The following METTL3 variants were observed in gnomAD, a reference collection of about 807,000 sequenced individuals.
METTL3 encodes N(6)-adenosine-methyltransferase catalytic subunit METTL3.
In METTL3, 42 loss-of-function variants were observed where a neutral mutation model predicts 64.3. The observed-to-expected ratio is 0.65, with a 90% CI of 0.51 to 0.84. The LOEUF (loss-of-function observed/expected upper bound fraction) is 0.84, where lower values mean the gene tolerates loss of function less well. Among genes scored for constraint, METTL3 ranks in the 40% least tolerant of loss-of-function variants. The pLI, the probability that METTL3 is intolerant of heterozygous loss-of-function variation, is 0.00. For missense variants in METTL3, 435 were observed against 722.3 expected, an observed-to-expected ratio of 0.60 and a Z score of 4.56; for synonymous variants, 256 against 263.6, an observed-to-expected ratio of 0.97 and a Z score of 0.28.
rs978852840 is a variant in METTL3 at position 21,498,182 on chromosome 14, A to G, written c.*76T>C. 8 of 819,078 alleles carry G rather than the reference A, an allele frequency of 9.8e-6. No individual in the cohort carries two copies. In the African/African-American group the frequency reaches 1.0e-4, roughly 10 times the overall value. The allele number at this position is 819,078 out of a possible 1,614,324, so 50.7% of individuals were successfully genotyped here. On this transcript the variant is annotated 3_prime_UTR_variant, in exon 11 of 11. Transcript: ENST00000298717. ...GTTTATTTAAATAAAGAAGAAAGCT[A>G]TTGTACAAATATCACTCTTCAGGTT...
At chr14:21,503,604 A>G (rs1161902805) in intron 2 of METTL3, 27 bp from the exon 3 acceptor site, 1 of 1,613,382 alleles carries the variant, frequency 6.2e-7, no homozygotes, top group African/African-American at 1.3e-5. Context: ...GGTATGGGCA[A>G]TAAGACACTG....
Position 21,498,377 on chromosome 14 carries a change from AGT to A in METTL3, c.1632-10_1632-9del. On this transcript the variant is annotated splice_polypyrimidine_tract_variant and intron_variant, in intron 10 of 10. Transcript: ENST00000298717. ...TGGTTTCCAAGGGTGATCCTGAAAC[AGT>A]GTAAAAGGAGGGGCAAACCAGAAAT... The A allele has an allele frequency of 6.2e-7, 1 of 1,613,816 alleles. No homozygotes were observed. Among genetic ancestry groups the A allele is most frequent in the Non-Finnish European group, 8.5e-7 (1 of 1,179,898 alleles).
At chr14:21,510,768 C>G in intron 1 of METTL3, 2 of 243,614 alleles carry the variant, frequency 8.2e-6, no homozygotes, top group Non-Finnish European at 1.6e-5. Context: ...GGGAACAAAG[C>G]GCCAAAGCAG....
chr14:21,500,713 T>C (rs1436816241), intron 5 of METTL3, 31 bp from the exon 6 acceptor site: 2 of 1,587,876 alleles, frequency 1.3e-6, no homozygotes, highest in South Asian at 2.3e-5. Context: ...TCATCTTCCC[T>C]ACTTTAACTC....
intron 1 of METTL3, chr14:21,510,878 A>AG: frequency 2.1e-6 from 1 of 487,094 alleles, no homozygotes; most frequent in Non-Finnish European, 3.7e-6. Flanking sequence ...AAGGCGGACG[A>AG]GGGTGGGGCT....
intron 6 of METTL3, 134 bp downstream of exon 6, chr14:21,500,361 C>CAAAAA: frequency 1.1e-6 from 1 of 872,494 alleles, no homozygotes; most frequent in South Asian, 1.7e-5. Flanking sequence ...GAGACTCTCT[C>CAAAAA]AAAAAAAAAG....
chr14:21,501,530 T>A (rs1263791), intron 4 of METTL3, 198 bp downstream of exon 4: 311,792 of 649,340 alleles, frequency 0.48, 75,845 homozygotes, highest in East Asian at 0.57. Flanking sequence ...AAAAAAAAAA[T>A]CTCAGTTATT....
chr14:21,498,881 G>C (rs1229946739), intron 10 of METTL3, 144 bp downstream of exon 10: 5 of 628,446 alleles, frequency 8.0e-6, no homozygotes, highest in Non-Finnish European at 1.4e-5. Flanking sequence ...TCATAAAACA[G>C]TTTAAATACA....
intron 1 of METTL3, 155 bp from the exon 2 acceptor site, chr14:21,504,036 T>C: frequency 1.6e-6 from 1 of 638,688 alleles, no homozygotes. Flanking sequence ...CTATCCTCAA[T>C]CATACTAAAA....
chr14:21,499,993 C>A (rs896983558), intron 6 of METTL3, among the ~76,000 whole-genome samples, 191 bp from the exon 7 acceptor site: 2 of 152,112 alleles, frequency 1.3e-5, no homozygotes, highest in Non-Finnish European at 2.9e-5. Flanking sequence ...TTACCTTTCT[C>A]AAAGAACAAA....
Position 21,500,933 on chromosome 14 carries a change from C to A in METTL3, c.1096G>T (p.Asp366Tyr). The change falls in exon 5 of 11, where the codon GAC (aspartate) becomes TAC (tyrosine). Residue 366 changes from aspartate to tyrosine, a missense_variant. Coordinates refer to ENST00000298717, the MANE Select transcript of METTL3 (RefSeq NM_019852.5). The part of the protein sequence containing the change: ...TQSVGGDSSA[D>Y]RLFPPQWICC... ...GGTACCTGAGGTGGGAAGAGTCGGT[C>A]TGCACTGGAATCACCTCCGACACTC... The A allele has an allele frequency of 1.2e-6, 2 of 1,613,898 alleles. No individual in the cohort carries two copies. Among genetic ancestry groups the A allele is most frequent in the South Asian group, 2.2e-5 (2 of 91,042 alleles).
Position 21,511,146 on chromosome 14 carries a change from C to T in METTL3, c.78G>A (p.Arg26=), listed in dbSNP as rs756192983. The T allele has an allele frequency of 1.2e-6, 2 of 1,614,024 alleles. No individual in the cohort carries two copies. Among genetic ancestry groups the T allele is most frequent in the African/African-American group, 1.3e-5 (1 of 74,938 alleles). The change falls in exon 1 of 11, where the codon CGG becomes CGA. Residue 26 remains arginine (R), a synonymous_variant. Coordinates refer to ENST00000298717, the MANE Select transcript of METTL3 (RefSeq NM_019852.5). Reference sequence around the variant, plus strand: ...CACCCAAGTGCCCCGAGTCCTGCTTCCGCCTCCGCTGCAGCCTCTCCCGCA... The same window carrying T: ...CACCCAAGTGCCCCGAGTCCTGCTTTCGCCTCCGCTGCAGCCTCTCCCGCA... ...DSLRERLQRR[R]KQDSGHLDLR...
chr14:21,502,646 T>C (rs1891596131), intron 3 of METTL3: 1 of 155,474 alleles, frequency 6.4e-6, no homozygotes, highest in South Asian at 1.9e-4. Context: ...GAGAAGTTAA[T>C]TAACTTGTTC....
chr14:21,504,167 G>T (rs937790779), intron 1 of METTL3: 9 of 373,790 alleles, frequency 2.4e-5, no homozygotes, highest in African/African-American at 4.1e-5. Context: ...TAGCATGATA[G>T]ATTTAAATAT....
Position 21,501,826 on chromosome 14 carries a change from T to C in METTL3, c.801A>G (p.Arg267=), listed in dbSNP as rs147020853. The C allele has an allele frequency of 3.7e-6, 6 of 1,614,030 alleles. No individual in the cohort carries two copies. In the South Asian group the frequency reaches 5.5e-5, roughly 15 times the overall value. ...AGAATTCTTGCACTTGGGCCCGACC[T>C]CGAGAGCGAAATTTTTCAACAATGG... ...EQSIVEKFRS[R]GRAQVQEFCD... is the part of the protein sequence containing the mutation. Residue 267 remains arginine (R), a synonymous_variant, in exon 4 of 11, where the codon CGA becomes CGG. Transcript: ENST00000298717.
intron 3 of METTL3, 49 bp from the exon 4 acceptor site, chr14:21,501,952 GCTCT>G (rs1891578950): frequency 6.5e-7 from 1 of 1,545,904 alleles, no homozygotes; most frequent in African/African-American, 1.4e-5. Context: ...GATCAAATTG[GCTCT>G]TAGACCAACT....
At chr14:21,506,418 G>A (rs932589067) in intron 1 of METTL3, among the ~76,000 whole-genome samples, 1 of 152,102 alleles carries the variant, frequency 6.6e-6, no homozygotes, top group Non-Finnish European at 1.5e-5. Context: ...GCCGGACGTG[G>A]TGGCAGGCAC....
intron 5 of METTL3, 107 bp from the exon 6 acceptor site, chr14:21,500,789 T>TC: frequency 7.1e-7 from 1 of 1,413,962 alleles, no homozygotes; most frequent in Non-Finnish European, 9.7e-7. Context: ...AGCTTATCTA[T>TC]CCCCCTCCAT....
In METTL3 at chr14:21,498,347, C is replaced by A; in HGVS notation, c.1654G>T (p.Asp552Tyr). 6.2e-7 allele frequency: 1 copy of A among 1,614,062 alleles called. No homozygotes were observed. The highest frequency in any genetic ancestry group is 8.5e-7 in the Non-Finnish European group (1 of 1,180,012). The change falls in exon 11 of 11, where the codon GAT becomes TAT. Residue 552 changes from aspartate (D) to tyrosine (Y), a missense_variant. Asp to Tyr is a radical substitution (Grantham distance 160). Coordinates refer to ENST00000298717, the MANE Select transcript of METTL3 (RefSeq NM_019852.5). ...TCTGGGTCTAGTAGGTGGATCCCAT[C>A]CAGTTGGTTTCCAAGGGTGATCCTG... Reference protein sequence around the residue: ...PNWITLGNQLDGIHLLDPDVV... With the variant: ...PNWITLGNQLYGIHLLDPDVV...
Sources: allele counts gnomAD v4.1 joint callset (sites outside exome capture counted in the v4.1 genomes callset), GRCh38; gene constraint gnomAD v4.1.1; transcripts MANE v1.5; gene names NCBI Gene and HGNC (gene_info 2026-07-23, HGNC 2026-07-21).